The following LARP4B variants were observed in gnomAD, a reference collection of about 807,000 sequenced individuals.
LARP4B encodes La ribonucleoprotein 4B, also known as la-related protein 4B.
LARP4B carries 12 observed loss-of-function variants against 89.8 expected under a neutral mutation model. The ratio of observed to expected loss-of-function variants is 0.13; its 90% confidence interval spans 0.09 to 0.22. The LOEUF is 0.22. Ranked by LOEUF, LARP4B falls within the 10% of genes least tolerant of loss-of-function variation. LARP4B has a pLI of 1.00. For missense variants in LARP4B, 757 were observed against 947.7 expected (o/e 0.80, Z 2.64); for synonymous variants, 367 against 363.3 (o/e 1.01, Z -0.12).
intron 1 of LARP4B, among the ~76,000 whole-genome samples, chr10:921,305 TG>T (rs545432796): frequency 5.1e-4 from 78 of 151,672 alleles, no homozygotes; most frequent in Admixed American, 1.8e-3. Context: ...GAAAGAAAAC[TG>T]GAAGTTAATG....
At position 891,702 on chromosome 10, in the gene LARP4B, C is replaced by T. The variant is rs373293787; in HGVS notation, c.-39-5942G>A. On this transcript the variant is annotated intron_variant, in intron 1 of 17. Transcript: ENST00000316157. ...CACAGTCTCAGCACAACACAGTGAT[C>T]CCGATTTGAACACTCTGCATCCTAC... Among the ~76,000 whole-genome samples, 43 of 152,274 alleles carry T rather than the reference C, an allele frequency of 2.8e-4. 1 individual carries two copies. The East Asian group carries it at 7.5e-3, about 27-fold the overall frequency.
chr10:910,685 G>GT (rs933654388), intron 1 of LARP4B, among the ~76,000 whole-genome samples: 2 of 152,218 alleles, frequency 1.3e-5, no homozygotes, highest in African/African-American at 4.8e-5. Context: ...TTGGGTCAAG[G>GT]TTTTTCCACC....
intron 8 of LARP4B, among the ~76,000 whole-genome samples, chr10:835,403 G>A (rs1039100020): frequency 2.0e-5 from 3 of 152,154 alleles, no homozygotes; most frequent in South Asian, 2.1e-4. Flanking sequence ...TAGCATGAAC[G>A]ACGAGGCTGA....
rs1318462050 is a variant in LARP4B, at chr10:814,281, T to G, written c.1929+461A>C. 6.6e-6 allele frequency among the ~76,000 whole-genome samples: 1 copy of G among 151,630 alleles called. No homozygotes were observed. Among genetic ancestry groups the G allele is most frequent in the Non-Finnish European group, 1.5e-5 (1 of 67,906 alleles). ...GTAAGAGAGGCCACAGTTCACCCAG[T>G]AGGGAAAACAGCAGAAAGGAAGTCG... is the stretch of plus-strand genomic sequence containing the variant. On this transcript the variant is annotated intron_variant, in intron 17 of 17. Transcript: ENST00000316157. The surrounding 1 kb of genome is among the most constrained non-coding windows in gnomAD (Gnocchi z 4.4).
chr10:975,574 T>C, the LARP4B span, among the ~76,000 whole-genome samples: 20 of 152,374 alleles, frequency 1.3e-4, no homozygotes, highest in Admixed American at 5.9e-4. Context: ...GGAGCTCCAC[T>C]GCGTGGCGAA....
In LARP4B at chr10:814,764, A is replaced by C; in HGVS notation, c.1907T>G (p.Val636Gly). 1 of 1,600,256 alleles carries C rather than the reference A, an allele frequency of 6.2e-7. No individual in the cohort carries two copies. Among genetic ancestry groups the C allele is most frequent in the South Asian group, 1.1e-5 (1 of 89,006 alleles). Residue 636 changes from valine to glycine, a missense_variant, in exon 17 of 18, where the codon GTG becomes GGG. This residue lies in a region of LARP4B where 387 missense variants were observed against 423.6 expected (regional missense o/e 0.91). Coordinates refer to ENST00000316157, the MANE Select transcript of LARP4B (RefSeq NM_015155.3). This position sits in a 1 kb window ranked among gnomAD's most constrained non-coding sequence, Gnocchi z 4.4. ...SALTATACKS[V>G]QVNGAATELR... ...TACCGTGGCGGCTCCGTTCACCTGC[A>C]CCGATTTACACGCGGTCGCAGTGAG... is the stretch of plus-strand genomic sequence containing the variant.
chr10:987,691 CTA>C, the LARP4B span: 1 of 152,250 alleles, frequency 6.6e-6, no homozygotes, highest in Non-Finnish European at 1.5e-5. Context: ...AGCGGCCACT[CTA>C]TTCACAAACA....
At chr10:819,542 C>T (rs928436276) in intron 14 of LARP4B, 3 of 152,278 alleles carry the variant, frequency 2.0e-5, no homozygotes, top group African/African-American at 7.2e-5. Context: ...CAATACAACA[C>T]TGGGCCACAA....
rs17159958 is a variant in LARP4B, at chr10:846,111, G to A, written c.431-1056C>T. On this transcript the variant is annotated intron_variant, in intron 5 of 17. Coordinates refer to ENST00000316157, the MANE Select transcript of LARP4B (RefSeq NM_015155.3). ...AAATGGAAAATTGAAAACACAACCT[G>A]ATGCCACTGTCCATCTAGACTAAGG... is the stretch of plus-strand genomic sequence containing the variant. Among the ~76,000 whole-genome samples, 1,355 of 152,274 alleles carry A rather than the reference G, an allele frequency of 8.9e-3. 61 individuals are homozygous for A. The East Asian group carries it at 0.099, about 11-fold the overall frequency.
chr10:849,652 C>T (rs1322807938), intron 5 of LARP4B, among the ~76,000 whole-genome samples: 1 of 152,142 alleles, frequency 6.6e-6, no homozygotes, highest in Non-Finnish European at 1.5e-5. Flanking sequence ...CCAAACAGTA[C>T]AACATGGAAA....
At chr10:954,445 C>A in the LARP4B span, among the ~76,000 whole-genome samples, 1 of 152,060 alleles carries the variant, frequency 6.6e-6, no homozygotes, top group East Asian at 1.9e-4. This position sits in a 1 kb window ranked among gnomAD's most constrained non-coding sequence, Gnocchi z 5.0. Flanking sequence ...GATGGAAAGA[C>A]GGGGGTGTGA....
intron 7 of LARP4B, among the ~76,000 whole-genome samples, chr10:842,258 C>A (rs1833558601): frequency 6.6e-6 from 1 of 151,618 alleles, no homozygotes; most frequent in African/African-American, 2.4e-5. Context: ...AGTGCAATGG[C>A]ACAATCTCAG....
At chr10:966,609 C>A in the LARP4B span, among the ~76,000 whole-genome samples, 16 of 152,330 alleles carry the variant, frequency 1.1e-4, no homozygotes, top group East Asian at 2.7e-3. Context: ...CAGCTCAAAC[C>A]CGAGAGGCAC....
At chr10:982,591 T>C in the LARP4B span, among the ~76,000 whole-genome samples, 8 of 152,346 alleles carry the variant, frequency 5.3e-5, no homozygotes, top group African/African-American at 1.9e-4. Context: ...AGTTTTTACA[T>C]ATATACTTCT....
At chr10:842,598 A>C (rs1833577397) in intron 7 of LARP4B, among the ~76,000 whole-genome samples, 2 of 152,218 alleles carry the variant, frequency 1.3e-5, no homozygotes, top group Admixed American at 6.5e-5. Flanking sequence ...CTGTAACTAA[A>C]GTGTATTTTA....
intron 1 of LARP4B, among the ~76,000 whole-genome samples, chr10:914,124 C>T (rs1836751854): frequency 1.3e-5 from 2 of 151,812 alleles, no homozygotes; most frequent in Admixed American, 1.3e-4. Flanking sequence ...AGGTTATAAA[C>T]AAAAATTGAG....
chr10:817,752 G>A lies in LARP4B; in HGVS notation c.1668C>T (p.Ser556=), dbSNP rs778495868. ...TTTCTTTGGATGGTCCTATTATCAA[G>A]CTAGATAGCCTGTTTTCAAACAAGT... The part of the protein sequence containing the change: ...TEDLFENRLS[S]LIIGPSKERT... The change falls in exon 15 of 18, where the codon AGC becomes AGT. Residue 556 remains serine (S), a synonymous_variant. Coordinates refer to ENST00000316157, the MANE Select transcript of LARP4B (RefSeq NM_015155.3). 2.4e-5 allele frequency: 39 copies of A among 1,614,050 alleles called. No individual in the cohort carries two copies. Among genetic ancestry groups the A allele is most frequent in the Non-Finnish European group, 3.1e-5 (37 of 1,180,020 alleles).
intron 13 of LARP4B, among the ~76,000 whole-genome samples, chr10:823,721 C>T (rs1437522544): frequency 6.6e-6 from 1 of 151,954 alleles, no homozygotes; most frequent in Non-Finnish European, 1.5e-5. Flanking sequence ...TGCAACCCTC[C>T]TCCCTCCAAG....
chr10:962,783 A>G, the LARP4B span, among the ~76,000 whole-genome samples: 1 of 152,118 alleles, frequency 6.6e-6, no homozygotes. Context: ...TTGAACTCCC[A>G]CTGGCCAACA....
Sources: allele counts gnomAD v4.1 joint callset (sites outside exome capture counted in the v4.1 genomes callset), GRCh38; gene constraint gnomAD v4.1.1; regional missense constraint gnomAD v4.1.1; non-coding constraint Gnocchi (gnomAD v3.1); transcripts MANE v1.5; gene names NCBI Gene and HGNC (gene_info 2026-07-23, HGNC 2026-07-21).